The following HCN1 variants were observed in gnomAD, a reference collection of about 807,000 sequenced individuals.
HCN1 encodes hyperpolarization activated cyclic nucleotide gated potassium channel 1.
HCN1 carries 13 observed loss-of-function variants against 78.9 expected under a neutral mutation model. That is an observed-to-expected ratio of 0.16 (90% CI 0.11 to 0.26). The LOEUF is 0.26. Among genes scored for constraint, HCN1 ranks in the 10% least tolerant of loss-of-function variants. HCN1 has a pLI of 1.00. For synonymous variants in HCN1, 552 were observed against 455.5 expected, an observed-to-expected ratio of 1.21 and a Z score of -2.70; for missense variants, 810 against 1,154.3, an observed-to-expected ratio of 0.70 and a Z score of 4.32.
At chr5:45,531,049 A>AACACAC (rs1392375383) in intron 2 of HCN1, among the ~76,000 whole-genome samples, 3 of 150,214 alleles carry the variant, frequency 2.0e-5, no homozygotes, top group Non-Finnish European at 4.5e-5. Context: ...AAGAAATGCT[A>AACACAC]ACACACATAC....
rs767523812 is a variant in HCN1, at chr5:45,262,247, C to T, written c.2347G>A (p.Val783Ile). 6.2e-7 allele frequency: 1 copy of T among 1,614,054 alleles called. No homozygotes were observed. Among genetic ancestry groups the T allele is most frequent in the South Asian group, 1.1e-5 (1 of 91,090 alleles). The change falls in exon 8 of 8, where the codon GTC becomes ATC. Residue 783 changes from valine to isoleucine, a missense_variant. Around this residue, in one of 6 missense-constraint regions of HCN1, gnomAD observed 398 missense variants for 381.3 expected, o/e 1.04. Transcript: ENST00000303230. ...GGCTGCGAGGCGGAGAGTGGCCTGA[C>T]TTCCCGGGTCAGGTTGGTGTTGTGA... is the stretch of plus-strand genomic sequence containing the variant. ...ALHNTNLTRE[V>I]RPLSASQPSL...
intron 2 of HCN1, among the ~76,000 whole-genome samples, chr5:45,496,387 G>A (rs892214192): frequency 2.8e-4 from 42 of 151,410 alleles, no homozygotes; most frequent in South Asian, 4.2e-4. Context: ...GTTTATTTGC[G>A]TAGAGGTGTT....
intron 5 of HCN1, among the ~76,000 whole-genome samples, chr5:45,311,861 C>G (rs1201017621): frequency 6.6e-6 from 1 of 152,176 alleles, no homozygotes; most frequent in East Asian, 1.9e-4. Context: ...CCTCAAAGTT[C>G]ATCAACAGCT....
At chr5:45,672,852 C>T (rs1271712588) in intron 1 of HCN1, among the ~76,000 whole-genome samples, 1 of 151,030 alleles carries the variant, frequency 6.6e-6, no homozygotes, top group African/African-American at 2.4e-5. Flanking sequence ...AATAGTCTCA[C>T]GTTTACAGAA....
intron 1 of HCN1, among the ~76,000 whole-genome samples, chr5:45,664,149 T>C (rs1283098724): frequency 1.6e-5 from 1 of 61,634 alleles, no homozygotes; most frequent in African/African-American, 6.6e-5. Flanking sequence ...TGAGTTCATG[T>C]CCTTTGTAGG....
intron 5 of HCN1, among the ~76,000 whole-genome samples, chr5:45,315,776 C>A (rs908347065): frequency 6.2e-4 from 94 of 152,250 alleles, no homozygotes; most frequent in Admixed American, 1.8e-3. Flanking sequence ...TCAGAGAATA[C>A]TATAAACACC....
intron 6 of HCN1, among the ~76,000 whole-genome samples, chr5:45,277,575 T>C (rs1745089682): frequency 6.6e-6 from 1 of 152,156 alleles, no homozygotes; most frequent in Non-Finnish European, 1.5e-5. Flanking sequence ...AAAAAACTAA[T>C]TTCATGAAAC....
At chr5:45,378,476 A>G (rs1239949495) in intron 4 of HCN1, among the ~76,000 whole-genome samples, 1 of 152,116 alleles carries the variant, frequency 6.6e-6, no homozygotes, top group South Asian at 2.1e-4. Context: ...GAGCCAGGCA[A>G]CATCAGAATA....
chr5:45,451,034 A>G (rs1256311213), intron 3 of HCN1, among the ~76,000 whole-genome samples: 1 of 152,104 alleles, frequency 6.6e-6, no homozygotes, highest in African/African-American at 2.4e-5. Context: ...GGTTTCTTCA[A>G]ATTTTGCAAT....
chr5:45,689,125 G>T (rs1049861184), intron 1 of HCN1, among the ~76,000 whole-genome samples: 2 of 151,880 alleles, frequency 1.3e-5, no homozygotes, highest in Non-Finnish European at 2.9e-5. Context: ...CTTTAAATGG[G>T]TGAATTGTAT....
intron 5 of HCN1, among the ~76,000 whole-genome samples, chr5:45,331,599 A>G (rs1579816609): frequency 6.6e-6 from 1 of 151,484 alleles, no homozygotes; most frequent in Non-Finnish European, 1.5e-5. Flanking sequence ...TCAAGAGCTC[A>G]GATCTTTCTA....
intron 5 of HCN1, among the ~76,000 whole-genome samples, chr5:45,309,052 T>A (rs1213891013): frequency 6.6e-6 from 1 of 152,188 alleles, no homozygotes; most frequent in Non-Finnish European, 1.5e-5. Context: ...TGAGTAGTGG[T>A]TTGTACTATC....
At chr5:45,420,652 C>T (rs972163511) in intron 3 of HCN1, among the ~76,000 whole-genome samples, 4 of 152,024 alleles carry the variant, frequency 2.6e-5, no homozygotes, top group African/African-American at 9.7e-5. Context: ...GGTGTTTCTC[C>T]AACATAAAGT....
At chr5:45,508,196 A>G (rs1579938851) in intron 2 of HCN1, among the ~76,000 whole-genome samples, 1 of 152,122 alleles carries the variant, frequency 6.6e-6, no homozygotes, top group Non-Finnish European at 1.5e-5. Flanking sequence ...TTGAATTGGA[A>G]ATGTATGTGA....
At chr5:45,387,668 C>T (rs1747952976) in intron 4 of HCN1, among the ~76,000 whole-genome samples, 1 of 151,856 alleles carries the variant, frequency 6.6e-6, no homozygotes, top group Non-Finnish European at 1.5e-5. Context: ...CACTTCTTAC[C>T]CTGTATATCT....
At chr5:45,592,679 A>C (rs1242285530) in intron 2 of HCN1, among the ~76,000 whole-genome samples, 1 of 152,174 alleles carries the variant, frequency 6.6e-6, no homozygotes, top group East Asian at 1.9e-4. Flanking sequence ...TTATGTAAAG[A>C]AATGTTGTTA....
intron 2 of HCN1, among the ~76,000 whole-genome samples, chr5:45,497,554 G>A (rs1282167269): frequency 6.6e-6 from 1 of 152,018 alleles, no homozygotes; most frequent in East Asian, 1.9e-4. Context: ...CCATTGGCTT[G>A]GTAGACCTTC....
At chr5:45,579,588 A>G (rs1266793363) in intron 2 of HCN1, among the ~76,000 whole-genome samples, 1 of 152,156 alleles carries the variant, frequency 6.6e-6, no homozygotes, top group Non-Finnish European at 1.5e-5. Context: ...AAAAGAGCCA[A>G]ACAAAAAAGT....
At chr5:45,281,777 A>G (rs1375140365) in intron 6 of HCN1, among the ~76,000 whole-genome samples, 1 of 151,422 alleles carries the variant, frequency 6.6e-6, no homozygotes, top group East Asian at 2.0e-4. Context: ...GTATTTTAGT[A>G]GAGATGGGGT....
Sources: gnomAD v4.1 joint callset for allele counts (sites outside exome capture counted in the v4.1 genomes callset) on GRCh38, gnomAD v4.1.1 for gene constraint, gnomAD v4.1.1 regional missense constraint, MANE v1.5 for transcripts, NCBI Gene and HGNC (gene_info 2026-07-23, HGNC 2026-07-21) for gene names.